MITF: variants seen among roughly 807,000 people sequenced by gnomAD.
The protein encoded by MITF is microphthalmia-associated transcription factor.
Under a neutral mutation model 60.5 loss-of-function variants are expected in MITF, and 17 were observed. The ratio of observed to expected loss-of-function variants is 0.28; its 90% CI spans 0.19 to 0.42. MITF has a LOEUF of 0.42. Ranked by LOEUF, MITF falls within the 10% of genes least tolerant of loss-of-function variation. The pLI, the probability that MITF is intolerant of heterozygous loss-of-function variation, is 1.00. For missense variants in MITF, 622 were observed against 683.5 expected, an observed-to-expected ratio of 0.91 and a Z score of 1.00; for synonymous variants, 260 against 248.5, an observed-to-expected ratio of 1.05 and a Z score of -0.43.
chr3:69,927,762 G>T (rs2065626825), intron 2 of MITF, among the ~76,000 whole-genome samples: 1 of 152,084 alleles, frequency 6.6e-6, no homozygotes, highest in Non-Finnish European at 1.5e-5. Flanking sequence ...GCATCTAATG[G>T]GTATAGATTA....
intron 1 of MITF, among the ~76,000 whole-genome samples, chr3:69,852,308 C>A (rs2107181585): frequency 1.3e-5 from 2 of 152,310 alleles, no homozygotes; most frequent in East Asian, 3.9e-4. Flanking sequence ...ATCACTAGCA[C>A]CCTTGTGCCT....
intron 2 of MITF, among the ~76,000 whole-genome samples, chr3:69,925,186 C>T (rs2065558151): frequency 1.3e-5 from 2 of 152,106 alleles, no homozygotes; most frequent in South Asian, 4.1e-4. Flanking sequence ...TCAGCATCTC[C>T]AGCAACTATT....
chr3:69,791,884 A>G (rs1432110721), intron 1 of MITF, among the ~76,000 whole-genome samples: 5 of 152,202 alleles, frequency 3.3e-5, no homozygotes, highest in Non-Finnish European at 5.9e-5. Flanking sequence ...ATGCAGTTTC[A>G]TGCTTTGAAT....
chr3:69,744,444 TG>T (rs1251583651), intron 1 of MITF, among the ~76,000 whole-genome samples: 1 of 152,178 alleles, frequency 6.6e-6, no homozygotes, highest in Non-Finnish European at 1.5e-5. Flanking sequence ...TGGGTGACCT[TG>T]GGCAGGCTGG....
At chr3:69,827,119 C>T (rs748979334) in intron 1 of MITF, among the ~76,000 whole-genome samples, 4 of 152,212 alleles carry the variant, frequency 2.6e-5, no homozygotes, top group Non-Finnish European at 5.9e-5. Flanking sequence ...GACAGCCTCT[C>T]ACCAGTGTAA....
chr3:69,932,721 T>C (rs2065750768), intron 2 of MITF, among the ~76,000 whole-genome samples: 1 of 152,180 alleles, frequency 6.6e-6, no homozygotes, highest in Admixed American at 6.6e-5. Flanking sequence ...GGTAATGTAA[T>C]TGTGGGACTG....
intron 1 of MITF, among the ~76,000 whole-genome samples, chr3:69,842,867 C>G (rs186903890): frequency 1.3e-5 from 2 of 152,074 alleles, no homozygotes; most frequent in African/African-American, 4.8e-5. Flanking sequence ...GTGGTGTAAA[C>G]TTTATTTTGT....
Position 69,756,431 on chromosome 3 carries a change from G to C in MITF, c.104+16730G>C, listed in dbSNP as rs886346283. On this transcript the variant is annotated intron_variant, in intron 1 of 9. Coordinates refer to ENST00000352241, the MANE Select transcript of MITF (RefSeq NM_001354604.2). ...AGTTTGCTGGGAATGATGGTTTCCAGCTTTATCCATGTCCCTGCAAAGGAC... is the reference window on the plus strand; with the variant it reads ...AGTTTGCTGGGAATGATGGTTTCCACCTTTATCCATGTCCCTGCAAAGGAC... Among the ~76,000 whole-genome samples the C allele has an allele frequency of 3.4e-4, 51 of 151,748 alleles. 2 individuals are homozygous for C. The highest frequency in any genetic ancestry group is 8.8e-5 in the Non-Finnish European group (6 of 67,954).
At chr3:69,961,217 T>C (rs2066534905) in intron 9 of MITF, among the ~76,000 whole-genome samples, 1 of 151,392 alleles carries the variant, frequency 6.6e-6, no homozygotes, top group Admixed American at 6.6e-5. Flanking sequence ...GCCCCATCTC[T>C]ACTAAAAATA....
chr3:69,776,359 A>C (rs1161532954), intron 1 of MITF, among the ~76,000 whole-genome samples: 2 of 152,200 alleles, frequency 1.3e-5, no homozygotes, highest in Non-Finnish European at 2.9e-5. Context: ...ACATAGGATA[A>C]TAGTTAAGGG....
chr3:69,858,913 GC>G (rs2107204284), intron 1 of MITF, among the ~76,000 whole-genome samples: 1 of 152,146 alleles, frequency 6.6e-6, no homozygotes, highest in African/African-American at 2.4e-5. Flanking sequence ...TAGAGTCCTC[GC>G]TCCTTGTGTC....
intron 1 of MITF, among the ~76,000 whole-genome samples, chr3:69,782,734 T>G (rs939163193): frequency 6.6e-6 from 1 of 152,218 alleles, no homozygotes; most frequent in African/African-American, 2.4e-5. Context: ...TTTCTCAGGA[T>G]TTTTAGTTCT....
intron 2 of MITF, among the ~76,000 whole-genome samples, chr3:69,918,436 G>A (rs78488030): frequency 0.016 from 2,381 of 152,174 alleles, 29 homozygotes; most frequent in Middle Eastern, 0.051. Context: ...AAATTTCCTT[G>A]GTGTTTTTTC....
chr3:69,775,248 A>T (rs542408668), intron 1 of MITF, among the ~76,000 whole-genome samples: 2 of 152,276 alleles, frequency 1.3e-5, no homozygotes, highest in East Asian at 3.9e-4. Context: ...TCTCCATTTT[A>T]TTCTCAGAGG....
intron 8 of MITF, among the ~76,000 whole-genome samples, chr3:69,957,380 G>C (rs1012162643): frequency 6.6e-6 from 1 of 152,132 alleles, no homozygotes; most frequent in Non-Finnish European, 1.5e-5. Context: ...ATTCATGCCA[G>C]GCTTATTAAA....
intron 1 of MITF, among the ~76,000 whole-genome samples, chr3:69,780,591 G>A (rs555910686): frequency 1.1e-4 from 16 of 152,288 alleles, no homozygotes; most frequent in South Asian, 6.2e-4. Context: ...GCCATTAGAT[G>A]ATGGCTGGAT....
intron 2 of MITF, among the ~76,000 whole-genome samples, chr3:69,899,342 A>G (rs1413702821): frequency 6.6e-6 from 1 of 152,230 alleles, no homozygotes; most frequent in African/African-American, 2.4e-5. Flanking sequence ...GGCAGGGGCC[A>G]GGGGCCTAGG....
At chr3:69,794,269 TG>T (rs2062791688) in intron 1 of MITF, among the ~76,000 whole-genome samples, 1 of 152,236 alleles carries the variant, frequency 6.6e-6, no homozygotes, top group East Asian at 1.9e-4. Context: ...AGGTGGCTAT[TG>T]TGGTTGGTCT....
chr3:69,967,067 T>A lies in MITF; in HGVS notation c.*1819T>A, dbSNP rs2066706718. The A allele has an allele frequency of 4.3e-6, 1 of 232,368 alleles. No individual in the cohort carries two copies. Among genetic ancestry groups the A allele is most frequent in the South Asian group, 1.8e-4 (1 of 5,518 alleles). The allele number at this position is 232,368 out of a possible 1,614,324, so 14.4% of individuals were successfully genotyped here. ...ATTCAGGAGGGTTTTTAAAAAGTGTTTAAATGTCAAATGTGAATTGGTGAT... is the reference window on the plus strand; with the variant it reads ...ATTCAGGAGGGTTTTTAAAAAGTGTATAAATGTCAAATGTGAATTGGTGAT... On this transcript the variant is annotated 3_prime_UTR_variant, in exon 10 of 10. Transcript: ENST00000352241.
Sources: allele counts gnomAD v4.1 joint callset (sites outside exome capture counted in the v4.1 genomes callset), GRCh38; gene constraint gnomAD v4.1.1; transcripts MANE v1.5; gene names NCBI Gene and HGNC (gene_info 2026-07-23, HGNC 2026-07-21).